The following TES variants were observed in gnomAD, a reference collection of about 807,000 sequenced individuals.
The protein encoded by TES is testin LIM domain protein.
Under a neutral mutation model 48.2 loss-of-function variants are expected in TES, and 41 were observed. The ratio of observed to expected loss-of-function variants is 0.85; its 90% confidence interval spans 0.66 to 1.10. The LOEUF (loss-of-function observed/expected upper bound fraction) is 1.10, where lower values mean the gene tolerates loss of function less well. Among genes scored for constraint, TES ranks in the 50% least tolerant of loss-of-function variants. The pLI, the probability that TES is intolerant of heterozygous loss-of-function variation, is 0.00. For missense variants in TES, 463 were observed against 515.1 expected (o/e 0.90, Z 0.98); for synonymous variants, 162 against 174.9 (o/e 0.93, Z 0.58).
chr7:116,252,232 A>T, intron 5 of TES, 86 bp from the exon 6 acceptor site: 2 of 1,405,310 alleles, frequency 1.4e-6, no homozygotes, highest in Non-Finnish European at 9.5e-7. Context: ...ATCATTTTCA[A>T]ACTTTAGACC....
chr7:116,212,767 G>A (rs1799453523), intron 1 of TES, among the ~76,000 whole-genome samples: 1 of 152,068 alleles, frequency 6.6e-6, no homozygotes, highest in Non-Finnish European at 1.5e-5. Flanking sequence ...TTGACATATG[G>A]TGTAATTTTC....
chr7:116,228,998 CTATATA>C (rs58514364), intron 1 of TES, among the ~76,000 whole-genome samples: 31,612 of 109,782 alleles, frequency 0.29, 4,638 homozygotes, highest in East Asian at 0.4. Flanking sequence ...GTATCTATAA[CTATATA>C]TATATATATA....
Position 116,257,318 on chromosome 7 carries a change from A to G in TES, c.1102A>G (p.Ile368Val). The G allele has an allele frequency of 6.2e-7, 1 of 1,612,592 alleles. No homozygotes were observed. The highest frequency in any genetic ancestry group is 1.1e-5 in the South Asian group (1 of 90,802). ...AVVCQGCHNA[I>V]DPEVQRVTYN... ...GGTGTGTCAAGGATGCCACAATGCC[A>G]TCGACCCAGAAGTGCAGCGGGTGAC... The change falls in exon 7 of 7, where the codon ATC (isoleucine) becomes GTC (valine). Residue 368 changes from isoleucine to valine, a missense_variant. Ile to Val is a conservative substitution (Grantham distance 29). Coordinates refer to ENST00000358204, the MANE Select transcript of TES (RefSeq NM_015641.4).
At chr7:116,257,223 T>C (rs1021828973) in intron 6 of TES, 71 bp from the exon 7 acceptor site, 20 of 1,395,852 alleles carry the variant, frequency 1.4e-5, no homozygotes, top group East Asian at 4.9e-5. Context: ...TAAAGAAATA[T>C]GTCCTAAGAT....
intron 2 of TES, among the ~76,000 whole-genome samples, chr7:116,236,646 C>T (rs760222493): frequency 3.9e-5 from 6 of 152,172 alleles, no homozygotes; most frequent in Non-Finnish European, 7.3e-5. Flanking sequence ...CCAAAAACCG[C>T]TCGTGAGATT....
At chr7:116,247,693 ATACT>A (rs775451780) in intron 2 of TES, among the ~76,000 whole-genome samples, 3 of 152,238 alleles carry the variant, frequency 2.0e-5, no homozygotes, top group East Asian at 1.9e-4. Context: ...ATTTGTTAAA[ATACT>A]TACTTAGAAA....
At chr7:116,253,914 A>C (rs1256118866) in intron 6 of TES, among the ~76,000 whole-genome samples, 6 of 151,900 alleles carry the variant, frequency 3.9e-5, no homozygotes, top group African/African-American at 1.4e-4. Flanking sequence ...ACTAGACTGT[A>C]AGCAGCTGGA....
rs776929134 is a variant in TES at position 116,250,187 on chromosome 7, C to G, written c.393C>G (p.Pro131=). ...ALARQYMQML[P]KEKQPVAGSE... is the part of the protein sequence containing the mutation. Reference sequence around the variant, plus strand: ...CCAGGCAGTACATGCAGATGCTACCCAAGGAAAAGCAGCCAGTAGCAGGCT... The same window carrying G: ...CCAGGCAGTACATGCAGATGCTACCGAAGGAAAAGCAGCCAGTAGCAGGCT... Residue 131 remains proline (P), a synonymous_variant, in exon 4 of 7, where the codon CCC becomes CCG. Coordinates refer to ENST00000358204, the MANE Select transcript of TES (RefSeq NM_015641.4). The G allele has an allele frequency of 2.6e-6, 4 of 1,557,298 alleles. No individual in the cohort carries two copies. Among genetic ancestry groups the G allele is most frequent in the South Asian group, 1.3e-5 (1 of 79,398 alleles).
chr7:116,234,582 A>C lies in TES; in HGVS notation c.76A>C (p.Lys26Gln). 6.2e-7 allele frequency: 1 copy of C among 1,613,954 alleles called. No homozygotes were observed. The highest frequency in any genetic ancestry group is 8.5e-7 in the Non-Finnish European group (1 of 1,179,870). Reference sequence around the variant, plus strand: ...ATTTGGAGCCCCTTGTTTAAAATGCAAAGAAAAATGTGAAGGATTCGAACT... The same window carrying C: ...ATTTGGAGCCCCTTGTTTAAAATGCCAAGAAAAATGTGAAGGATTCGAACT... ...QGFGAPCLKC[K>Q]EKCEGFELHF... Residue 26 changes from lysine (K) to glutamine (Q), a missense_variant, in exon 2 of 7, where the codon AAA (lysine) becomes CAA (glutamine). Transcript: ENST00000358204.
chr7:116,246,683 T>A (rs546797534), intron 2 of TES, among the ~76,000 whole-genome samples: 1 of 152,282 alleles, frequency 6.6e-6, no homozygotes, highest in South Asian at 2.1e-4. Flanking sequence ...TAGAGACTTT[T>A]CTTTCCTTTT....
intron 2 of TES, among the ~76,000 whole-genome samples, chr7:116,242,059 T>A (rs1010888577): frequency 6.6e-6 from 1 of 152,224 alleles, no homozygotes; most frequent in Non-Finnish European, 1.5e-5. Flanking sequence ...GTATTCATGT[T>A]GTACTGGTGT....
chr7:116,245,214 TATC>T (rs1799905741), intron 2 of TES, among the ~76,000 whole-genome samples: 1 of 152,226 alleles, frequency 6.6e-6, no homozygotes, highest in African/African-American at 2.4e-5. Context: ...TTTTCTTTTG[TATC>T]GCATTGTCAG....
At chr7:116,246,874 ATGTGTG>A (rs770079016) in intron 2 of TES, among the ~76,000 whole-genome samples, 1 of 118,536 alleles carries the variant, frequency 8.4e-6, no homozygotes, top group African/African-American at 3.3e-5. Context: ...TTCTCTGTGT[ATGTGTG>A]TGTGTGTGAT....
Position 116,251,982 on chromosome 7 carries a change from T to C in TES, c.918+7T>C, listed in dbSNP as rs752179123. The C allele has an allele frequency of 1.9e-6, 3 of 1,613,712 alleles. No homozygotes were observed. Among genetic ancestry groups the C allele is most frequent in the Non-Finnish European group, 2.5e-6 (3 of 1,179,638 alleles). On this transcript the variant is annotated splice_region_variant and intron_variant, in intron 5 of 6. Transcript: ENST00000358204. ...ATGTGCTGGCTGTGACGAGGTATGT[T>C]CTATGGGACCACCGGCATGCTGGTG...
intron 1 of TES, among the ~76,000 whole-genome samples, chr7:116,217,227 T>A (rs1393797185): frequency 6.6e-6 from 1 of 152,186 alleles, no homozygotes; most frequent in East Asian, 1.9e-4. Flanking sequence ...TTTTGCAAAC[T>A]TTGTAATTAG....
At chr7:116,247,483 T>C (rs1411207702) in intron 2 of TES, among the ~76,000 whole-genome samples, 2 of 152,140 alleles carry the variant, frequency 1.3e-5, no homozygotes, top group African/African-American at 4.8e-5. Context: ...CTCAGACATG[T>C]CCCTTTAAGT....
chr7:116,240,260 A>G (rs536104187), intron 2 of TES, among the ~76,000 whole-genome samples: 62 of 152,310 alleles, frequency 4.1e-4, no homozygotes, highest in African/African-American at 1.4e-3. Context: ...CAGCATGTCA[A>G]AGCACTCTAG....
At chr7:116,213,546 G>C (rs1799462238) in intron 1 of TES, among the ~76,000 whole-genome samples, 1 of 152,132 alleles carries the variant, frequency 6.6e-6, no homozygotes, top group Non-Finnish European at 1.5e-5. Context: ...TAAAATTCTT[G>C]GTTTGTAAAA....
intron 2 of TES, among the ~76,000 whole-genome samples, chr7:116,242,625 AC>A (rs1164218936): frequency 2.2e-4 from 33 of 152,124 alleles, no homozygotes; most frequent in African/African-American, 7.7e-4. Context: ...AATACAACAA[AC>A]TAAAATCTAT....
Sources: gnomAD v4.1 joint callset for allele counts (sites outside exome capture counted in the v4.1 genomes callset) on GRCh38, gnomAD v4.1.1 for gene constraint, MANE v1.5 for transcripts, NCBI Gene and HGNC (gene_info 2026-07-23, HGNC 2026-07-21) for gene names.